TRDN: variants seen among roughly 807,000 people sequenced by gnomAD.
The protein encoded by TRDN is triadin in skeletal muscle.
In TRDN, 161 loss-of-function variants were observed where a neutral mutation model predicts 149.7. The observed-to-expected ratio is 1.08, with a 90% confidence interval of 0.95 to 1.23. The LOEUF is 1.23. TRDN is among the 50% of genes most tolerant of loss of function. The pLI, the probability that TRDN is intolerant of heterozygous loss-of-function variation, is 0.00. For missense variants in TRDN, 896 were observed against 823.5 expected (o/e 1.09, Z -1.08); for synonymous variants, 294 against 250.5 (o/e 1.17, Z -1.64).
At chr6:123,421,498 T>G (rs1274203216) in intron 12 of TRDN, 2 of 152,168 alleles carry the variant, frequency 1.3e-5, no homozygotes, top group Non-Finnish European at 2.9e-5. Context: ...CAATTTCATT[T>G]CCCACTGTCT....
chr6:123,573,476 C>A (rs1782678155), intron 1 of TRDN, among the ~76,000 whole-genome samples: 1 of 152,040 alleles, frequency 6.6e-6, no homozygotes, highest in South Asian at 2.1e-4. Flanking sequence ...TAAGAAAAGG[C>A]TAGAAAGGCA....
intron 33 of TRDN, among the ~76,000 whole-genome samples, chr6:123,263,713 A>G (rs908511758): frequency 1.3e-5 from 2 of 152,092 alleles, no homozygotes; most frequent in Non-Finnish European, 2.9e-5. Flanking sequence ...AGAAAAGTCA[A>G]TATCTGGCTT....
At chr6:123,389,264 T>C (rs1782019259) in intron 13 of TRDN, among the ~76,000 whole-genome samples, 1 of 152,110 alleles carries the variant, frequency 6.6e-6, no homozygotes. Context: ...ATATGACCCC[T>C]GGTTCTGTGT....
intron 2 of TRDN, among the ~76,000 whole-genome samples, chr6:123,551,342 TACACAC>T (rs10638140): frequency 0.011 from 1,500 of 141,184 alleles, 43 homozygotes; most frequent in African/African-American, 0.036. Context: ...AAAACCTAAA[TACACAC>T]ACACACACAC....
At position 123,260,647 on chromosome 6, in the gene TRDN, A is replaced by T; in HGVS notation, c.1805-9T>A. 7.0e-7 allele frequency: 1 copy of T among 1,420,028 alleles called. No homozygotes were observed. Among genetic ancestry groups the T allele is most frequent in the Non-Finnish European group, 9.3e-7 (1 of 1,070,960 alleles). 88.0% of individuals were successfully genotyped at this position (1,420,028 alleles called of 1,614,324 possible). Reference sequence around the variant, plus strand: ...GACTTCTGATGTTCCTTCTTTAGAAAAAAAAAAAAAAAGAATGTAGAAAGA... The same window carrying T: ...GACTTCTGATGTTCCTTCTTTAGAATAAAAAAAAAAAAGAATGTAGAAAGA... On this transcript the variant is annotated splice_polypyrimidine_tract_variant and intron_variant, in intron 33 of 40. Coordinates refer to ENST00000334268, the MANE Select transcript of TRDN (RefSeq NM_006073.4).
At chr6:123,231,306 C>T (rs796227237) in intron 38 of TRDN, among the ~76,000 whole-genome samples, 12 of 152,020 alleles carry the variant, frequency 7.9e-5, no homozygotes, top group African/African-American at 2.4e-4. Flanking sequence ...AGTATAACTG[C>T]GAGGTAGTTT....
chr6:123,259,635 T>G lies in TRDN; in HGVS notation c.1859A>C (p.Lys620Thr). 1 of 1,476,440 alleles carries G rather than the reference T, an allele frequency of 6.8e-7. No individual in the cohort carries two copies. Among genetic ancestry groups the G allele is most frequent in the South Asian group, 1.3e-5 (1 of 78,750 alleles). The allele number at this position is 1,476,440 out of a possible 1,614,324, so 91.5% of individuals were successfully genotyped here. ...AATGTCATTTTTACCTTTACTTTCT[T>G]TTTCAGATATTTCAGTTTTCTTCTT... ...SGKKKTEISEKESKEKADMKH... is the reference protein window; with the variant it reads ...SGKKKTEISETESKEKADMKH... The change falls in exon 35 of 41, where the codon AAA becomes ACA. Residue 620 changes from lysine (K) to threonine (T), a missense_variant. Physicochemically the swap from Lys to Thr is moderately conservative, Grantham distance 78. Coordinates refer to ENST00000334268, the MANE Select transcript of TRDN (RefSeq NM_006073.4).
chr6:123,341,230 A>G (rs992883188), intron 21 of TRDN, among the ~76,000 whole-genome samples: 1 of 147,028 alleles, frequency 6.8e-6, no homozygotes, highest in Non-Finnish European at 1.5e-5. Flanking sequence ...AAGATATAAC[A>G]GACTAATTTT....
intron 38 of TRDN, among the ~76,000 whole-genome samples, chr6:123,238,997 C>T (rs558948544): frequency 2.6e-4 from 40 of 152,124 alleles, no homozygotes; most frequent in African/African-American, 8.4e-4. Context: ...CACACCACCA[C>T]GCCACGCTAA....
chr6:123,404,231 A>T (rs1773099382), intron 12 of TRDN, among the ~76,000 whole-genome samples: 1 of 152,210 alleles, frequency 6.6e-6, no homozygotes, highest in African/African-American at 2.4e-5. Context: ...GTACTGTGAT[A>T]GATGCCACAT....
chr6:123,469,685 A>T (rs1404353469), intron 9 of TRDN: 2 of 152,642 alleles, frequency 1.3e-5, no homozygotes, highest in Non-Finnish European at 2.9e-5. Flanking sequence ...AAAGAAAGAT[A>T]CAGCAGTGTG....
chr6:123,336,319 C>T (rs1318487661), intron 22 of TRDN, among the ~76,000 whole-genome samples: 1 of 151,944 alleles, frequency 6.6e-6, no homozygotes, highest in African/African-American at 2.4e-5. Context: ...ATTGCTAGAC[C>T]TCACATTCCT....
intron 6 of TRDN, among the ~76,000 whole-genome samples, chr6:123,513,832 A>G (rs139108776): frequency 3.7e-4 from 57 of 152,196 alleles, no homozygotes; most frequent in African/African-American, 1.3e-3. Flanking sequence ...ATTGAAGCAT[A>G]TTTCAACTTA....
chr6:123,367,168 T>G (rs1251162159), intron 19 of TRDN, among the ~76,000 whole-genome samples: 1 of 152,026 alleles, frequency 6.6e-6, no homozygotes, highest in African/African-American at 2.4e-5. Context: ...CAAAGCTAGT[T>G]AAAGTCAAAG....
At chr6:123,411,179 T>G (rs1773424965) in intron 12 of TRDN, among the ~76,000 whole-genome samples, 1 of 151,638 alleles carries the variant, frequency 6.6e-6, no homozygotes, top group African/African-American at 2.4e-5. Flanking sequence ...CACGAGTAGC[T>G]GGGGTTACAG....
At chr6:123,311,843 C>T (rs928058199) in intron 24 of TRDN, among the ~76,000 whole-genome samples, 2 of 151,902 alleles carry the variant, frequency 1.3e-5, no homozygotes, top group African/African-American at 4.8e-5. Flanking sequence ...CATGACTTCA[C>T]AGGATGTATG....
intron 4 of TRDN, among the ~76,000 whole-genome samples, chr6:123,535,374 A>G (rs1454437063): frequency 2.0e-5 from 3 of 152,128 alleles, no homozygotes; most frequent in Admixed American, 1.3e-4. Context: ...GTGTATTTCT[A>G]CTTCTTTTAC....
intron 5 of TRDN, among the ~76,000 whole-genome samples, chr6:123,523,179 G>A (rs1020391298): frequency 6.6e-6 from 1 of 152,122 alleles, no homozygotes; most frequent in Non-Finnish European, 1.5e-5. Flanking sequence ...GAGAATCAAA[G>A]AAATAAGCAG....
intron 6 of TRDN, among the ~76,000 whole-genome samples, chr6:123,514,243 TAGTTCTCATGCTGAGGC>T (rs2114865100): frequency 6.6e-6 from 1 of 152,174 alleles, no homozygotes; most frequent in African/African-American, 2.4e-5. Context: ...CACATGTCTG[TAGTTCTCATGCTGAGGC>T]ATGAGAATCT....
Sources: gnomAD v4.1 joint callset for allele counts (sites outside exome capture counted in the v4.1 genomes callset) on GRCh38, gnomAD v4.1.1 for gene constraint, MANE v1.5 for transcripts, NCBI Gene and HGNC (gene_info 2026-07-23, HGNC 2026-07-21) for gene names.